RALGPS2: variants seen among roughly 807,000 people sequenced by gnomAD.
RALGPS2 encodes Ral GEF with PH domain and SH3 binding motif 2.
Under a neutral mutation model 86.8 loss-of-function variants are expected in RALGPS2, and 43 were observed. The observed-to-expected ratio is 0.50, with a 90% CI of 0.39 to 0.64. RALGPS2 has a LOEUF of 0.64. Among genes scored for constraint, RALGPS2 ranks in the 30% least tolerant of loss-of-function variants. RALGPS2 has a pLI of 0.00. For missense variants in RALGPS2, 536 were observed against 694.6 expected, an observed-to-expected ratio of 0.77 and a Z score of 2.57; for synonymous variants, 243 against 231.3, an observed-to-expected ratio of 1.05 and a Z score of -0.46.
chr1:178,885,945 A>G (rs957453971), intron 12 of RALGPS2, 24 bp from the exon 13 acceptor site: 10 of 1,545,456 alleles, frequency 6.5e-6, no homozygotes, highest in Non-Finnish European at 8.8e-6. Flanking sequence ...AATAAAAGAT[A>G]TGAACTTTTT....
chr1:178,846,071 A>T (rs1656851822), intron 8 of RALGPS2, among the ~76,000 whole-genome samples: 1 of 152,148 alleles, frequency 6.6e-6, no homozygotes, highest in Admixed American at 6.5e-5. Context: ...GAAATTTCTA[A>T]CTCATGTAAA....
intron 1 of RALGPS2, among the ~76,000 whole-genome samples, chr1:178,729,938 A>ATTAT (rs772093950): frequency 4.6e-5 from 7 of 151,974 alleles, no homozygotes; most frequent in African/African-American, 1.5e-4. Flanking sequence ...TTTCAGTTTT[A>ATTAT]TTATTTATTT....
chr1:178,757,846 G>A (rs1282831997), intron 1 of RALGPS2, among the ~76,000 whole-genome samples: 1 of 152,120 alleles, frequency 6.6e-6, no homozygotes, highest in African/African-American at 2.4e-5. Flanking sequence ...TGATTTTTTG[G>A]AGTAGGTTCA....
chr1:178,823,848 G>A (rs1655622236), intron 7 of RALGPS2, among the ~76,000 whole-genome samples: 1 of 152,168 alleles, frequency 6.6e-6, no homozygotes, highest in Non-Finnish European at 1.5e-5. Flanking sequence ...GTCAGACTTA[G>A]ATGTACAAGT....
In RALGPS2 at chr1:178,902,047, G is replaced by T. The variant is rs1277495321; in HGVS notation, c.1525-59G>T. 3 of 1,290,450 alleles carry T rather than the reference G, an allele frequency of 2.3e-6. No individual in the cohort carries two copies. The Admixed American group carries it at 5.1e-5, about 22-fold the overall frequency. 79.9% of individuals were successfully genotyped at this position (1,290,450 alleles called of 1,614,324 possible). On this transcript the variant is annotated intron_variant, in intron 17 of 19. Transcript: ENST00000367635. The stretch of plus-strand genomic sequence containing the variant: ...TGAAAATACACTCCCTAACACTGAA[G>T]TTTTGCTAGAATAAACCATAAATTT...
At chr1:178,914,129 A>T (rs1004763637) in intron 19 of RALGPS2, among the ~76,000 whole-genome samples, 1 of 152,134 alleles carries the variant, frequency 6.6e-6, no homozygotes, top group African/African-American at 2.4e-5. Flanking sequence ...TCCCATGGGA[A>T]ACACAGCCCT....
chr1:178,763,413 G>A (rs1263589240), intron 1 of RALGPS2, among the ~76,000 whole-genome samples: 2 of 152,172 alleles, frequency 1.3e-5, no homozygotes, highest in Middle Eastern at 3.2e-3. Context: ...GAATACCATT[G>A]AATCTTTAGA....
chr1:178,825,230 G>A (rs891148562), intron 7 of RALGPS2, among the ~76,000 whole-genome samples: 6 of 152,150 alleles, frequency 3.9e-5, no homozygotes, highest in African/African-American at 1.4e-4. Flanking sequence ...CCAGAGATGG[G>A]ATTTTTCGAG....
intron 1 of RALGPS2, among the ~76,000 whole-genome samples, chr1:178,758,898 C>T (rs1251913288): frequency 6.6e-6 from 1 of 151,950 alleles, no homozygotes; most frequent in Non-Finnish European, 1.5e-5. Flanking sequence ...AGATCTTTTG[C>T]CCATTTAAAA....
intron 1 of RALGPS2, among the ~76,000 whole-genome samples, chr1:178,735,044 C>T (rs1236725346): frequency 6.6e-6 from 1 of 152,154 alleles, no homozygotes; most frequent in South Asian, 2.1e-4. Context: ...AGGGCATGTC[C>T]ATAGCAGCTT....
At chr1:178,834,457 A>G (rs1198647027) in intron 8 of RALGPS2, among the ~76,000 whole-genome samples, 1 of 152,194 alleles carries the variant, frequency 6.6e-6, no homozygotes, top group East Asian at 1.9e-4. Flanking sequence ...AAGGCAGTTG[A>G]TACATGCCCA....
intron 8 of RALGPS2, chr1:178,851,330 A>C (rs1484108360): frequency 1.1e-5 from 17 of 1,599,096 alleles, no homozygotes; most frequent in Non-Finnish European, 1.4e-5. Flanking sequence ...TGAGGAAAAA[A>C]TACAGATATA....
At chr1:178,805,410 A>T (rs909637771) in intron 4 of RALGPS2, among the ~76,000 whole-genome samples, 5 of 151,512 alleles carry the variant, frequency 3.3e-5, no homozygotes, top group Non-Finnish European at 5.9e-5. Flanking sequence ...TTATGGTTTT[A>T]GGTCTAACGT....
chr1:178,748,394 G>A (rs1054086000), intron 1 of RALGPS2, among the ~76,000 whole-genome samples: 1 of 151,920 alleles, frequency 6.6e-6, no homozygotes, highest in Non-Finnish European at 1.5e-5. Flanking sequence ...AAGGACTTGT[G>A]TACTAATGTT....
At chr1:178,749,985 C>T (rs1389369327) in intron 1 of RALGPS2, among the ~76,000 whole-genome samples, 2 of 152,046 alleles carry the variant, frequency 1.3e-5, no homozygotes, top group East Asian at 3.9e-4. Flanking sequence ...GTGGCGCACA[C>T]CTGTTGTCCC....
Position 178,776,663 on chromosome 1 carries a change from C to CT in RALGPS2, c.-83-5dup, listed in dbSNP as rs35196749. 12,771 of 625,474 alleles carry CT rather than the reference C, an allele frequency of 0.02. 1 individual carries two copies. Among genetic ancestry groups the CT allele is most frequent in the South Asian group, 0.034 (1,150 of 33,504 alleles). The allele number at this position is 625,474 out of a possible 1,614,324, so 38.7% of individuals were successfully genotyped here. A position where few individuals can be genotyped will look rare whatever the true frequency, so the allele number is the denominator to read the frequency against. On this transcript the variant is annotated intron_variant, in intron 1 of 19. Coordinates refer to ENST00000367635, the MANE Select transcript of RALGPS2 (RefSeq NM_152663.5). The stretch of plus-strand genomic sequence containing the variant: ...AACTTCGAGGAAGACATTTGCTTAA[C>CT]TTTTTTTTTTTTTTACAGGAATAAT...
At chr1:178,912,307 T>G (rs1388780833) in intron 19 of RALGPS2, among the ~76,000 whole-genome samples, 1 of 152,238 alleles carries the variant, frequency 6.6e-6, no homozygotes, top group African/African-American at 2.4e-5. Flanking sequence ...TAAGTGTGTT[T>G]TTGTGGTGGC....
chr1:178,856,200 GAGATATATATATATATATATAT>G (rs1657541493), intron 8 of RALGPS2, among the ~76,000 whole-genome samples: 4 of 40,940 alleles, frequency 9.8e-5, no homozygotes, highest in Admixed American at 5.4e-4. Context: ...CAGAGAGAGA[GAGATATATATATATATATATAT>G]ATATATATAT....
At chr1:178,829,024 G>A (rs1655891990) in intron 7 of RALGPS2, among the ~76,000 whole-genome samples, 1 of 152,152 alleles carries the variant, frequency 6.6e-6, no homozygotes. Flanking sequence ...CAACCTAAAT[G>A]TCCATCAGCA....
Sources: allele counts gnomAD v4.1 joint callset (sites outside exome capture counted in the v4.1 genomes callset), GRCh38; gene constraint gnomAD v4.1.1; transcripts MANE v1.5; gene names NCBI Gene and HGNC (gene_info 2026-07-23, HGNC 2026-07-21).